The following EPB41L4B variants were observed in gnomAD, a reference collection of about 807,000 sequenced individuals.
EPB41L4B encodes band 4.1-like protein 4B.
Under a neutral mutation model 112.5 loss-of-function variants are expected in EPB41L4B, and 30 were observed. The observed-to-expected ratio is 0.27, with a 90% CI of 0.20 to 0.36. The LOEUF is 0.36. EPB41L4B is among the 10% of genes least tolerant of loss of function. The probability of loss-of-function intolerance (pLI) is 1.00; values close to 1 mark genes in which losing one functional copy is unlikely to be tolerated. For missense variants in EPB41L4B, 1,024 were observed against 1,133.3 expected, an observed-to-expected ratio of 0.90 and a Z score of 1.38; for synonymous variants, 408 against 439.7, an observed-to-expected ratio of 0.93 and a Z score of 0.90.
chr9:109,281,994 T>C (rs969486761), intron 1 of EPB41L4B, among the ~76,000 whole-genome samples: 19 of 152,198 alleles, frequency 1.2e-4, no homozygotes, highest in Admixed American at 6.5e-5. Flanking sequence ...AACCCAAATA[T>C]CTATCAACTG....
At chr9:109,177,228 G>C (rs1831874817) in intron 24 of EPB41L4B, among the ~76,000 whole-genome samples, 1 of 152,110 alleles carries the variant, frequency 6.6e-6, no homozygotes, top group Admixed American at 6.5e-5. Flanking sequence ...CTGTAGCAGT[G>C]GTTCCCAAAG....
chr9:109,190,387 AATGCTGAT>A (rs1271417354), intron 22 of EPB41L4B, among the ~76,000 whole-genome samples: 1 of 152,230 alleles, frequency 6.6e-6, no homozygotes, highest in Non-Finnish European at 1.5e-5. Flanking sequence ...TTCAGCAGGA[AATGCTGAT>A]GGGAAGGCCC....
intron 18 of EPB41L4B, among the ~76,000 whole-genome samples, chr9:109,207,189 T>C (rs1188779016): frequency 6.6e-6 from 1 of 152,192 alleles, no homozygotes; most frequent in Admixed American, 6.5e-5. Context: ...TTCCCTCAGC[T>C]ATAGGGATGG....
At chr9:109,186,956 A>T (rs1264631216) in intron 22 of EPB41L4B, among the ~76,000 whole-genome samples, 1 of 152,202 alleles carries the variant, frequency 6.6e-6, no homozygotes, top group Non-Finnish European at 1.5e-5. Context: ...AAAGTGCCAC[A>T]TCCTTTGGGA....
At chr9:109,227,447 T>C (rs1308850204) in intron 15 of EPB41L4B, among the ~76,000 whole-genome samples, 1 of 152,216 alleles carries the variant, frequency 6.6e-6, no homozygotes, top group Non-Finnish European at 1.5e-5. Flanking sequence ...TTTCTCTCCA[T>C]TTACTCAGAT....
At chr9:109,205,061 G>T (rs1172332452) in intron 18 of EPB41L4B, among the ~76,000 whole-genome samples, 1 of 152,148 alleles carries the variant, frequency 6.6e-6, no homozygotes, top group African/African-American at 2.4e-5. Context: ...GGCCAGTTAG[G>T]TGTGAAAGAA....
chr9:109,260,410 CTTTTTTTTTTTT>C (rs35040371), intron 6 of EPB41L4B, among the ~76,000 whole-genome samples: 12 of 102,516 alleles, frequency 1.2e-4, no homozygotes, highest in African/African-American at 4.1e-4. Flanking sequence ...TCAATTGTAT[CTTTTTTTTTTTT>C]TTTTTTTTTT....
At chr9:109,201,240 C>A (rs1832814233) in intron 19 of EPB41L4B, among the ~76,000 whole-genome samples, 1 of 151,944 alleles carries the variant, frequency 6.6e-6, no homozygotes, top group South Asian at 2.1e-4. Context: ...GACTTGAGGT[C>A]AGGAGTTTGA....
chr9:109,261,918 TCATAATC>T (rs1217261259), intron 6 of EPB41L4B, among the ~76,000 whole-genome samples: 3 of 152,356 alleles, frequency 2.0e-5, no homozygotes, highest in African/African-American at 7.2e-5. Context: ...AATGAATATG[TCATAATC>T]CATAATCCAG....
chr9:109,312,785 G>T (rs1330402560), intron 1 of EPB41L4B, among the ~76,000 whole-genome samples: 1 of 152,180 alleles, frequency 6.6e-6, no homozygotes, highest in East Asian at 1.9e-4. Flanking sequence ...CATACAGCCA[G>T]AACTCATCTG....
In EPB41L4B at chr9:109,255,664, T is replaced by C. The variant is rs747687397; in HGVS notation, c.1016A>G (p.His339Arg). The C allele has an allele frequency of 6.2e-7, 1 of 1,612,776 alleles. No homozygotes were observed. The highest frequency in any genetic ancestry group is 8.5e-7 in the Non-Finnish European group (1 of 1,178,810). Reference protein sequence around the residue: ...EDDDQGREQEHTFVFRLDSAR... With the variant: ...EDDDQGREQERTFVFRLDSAR... Reference sequence around the variant, plus strand: ...ACTGTCTAACCGGAACACAAACGTGTGCTCTTGCTCACGTCCCTTAAAGAG... The same window carrying C: ...ACTGTCTAACCGGAACACAAACGTGCGCTCTTGCTCACGTCCCTTAAAGAG... Residue 339 changes from histidine to arginine, a missense_variant, in exon 11 of 26, where the codon CAC becomes CGC. Coordinates refer to ENST00000374566, the MANE Select transcript of EPB41L4B (RefSeq NM_019114.5).
chr9:109,318,150 C>CGTGTGTGTGTGT (rs3983533), intron 1 of EPB41L4B, among the ~76,000 whole-genome samples: 61 of 149,590 alleles, frequency 4.1e-4, no homozygotes, highest in African/African-American at 1.4e-3. Flanking sequence ...GGGGCATATA[C>CGTGTGTGTGTGT]GTGTGTGTGT....
intron 1 of EPB41L4B, among the ~76,000 whole-genome samples, chr9:109,317,841 C>A (rs1410789714): frequency 6.6e-6 from 1 of 152,116 alleles, no homozygotes; most frequent in Non-Finnish European, 1.5e-5. Context: ...ACAAGCAGGG[C>A]CAAATGTCAA....
intron 18 of EPB41L4B, 67 bp downstream of exon 18, chr9:109,207,857 T>C: frequency 6.2e-7 from 1 of 1,600,736 alleles, no homozygotes; most frequent in African/African-American, 1.3e-5. Flanking sequence ...ACGGTGCCTC[T>C]TTCTTCTCTG....
rs537660476 is a variant in EPB41L4B, at chr9:109,320,272, A to T, written c.175T>A (p.Phe59Ile). ...AGCAGGGGCCCGCCGCCCGCCGGGAACACGCTGCCCCCGGGCGCGGCGGGC... is the reference window on the plus strand; with the variant it reads ...AGCAGGGGCCCGCCGCCCGCCGGGATCACGCTGCCCCCGGGCGCGGCGGGC... ...ALPAAPGGSV[F>I]PAGGGPLLTG... Residue 59 changes from phenylalanine (F) to isoleucine (I), a missense_variant, in exon 1 of 26, where the codon TTC (phenylalanine) becomes ATC (isoleucine). Physicochemically the swap from Phe to Ile is conservative, Grantham distance 21 (BLOSUM62 0). Coordinates refer to ENST00000374566, the MANE Select transcript of EPB41L4B (RefSeq NM_019114.5). 14 of 1,182,668 alleles carry T rather than the reference A, an allele frequency of 1.2e-5. No individual in the cohort carries two copies. The highest frequency in any genetic ancestry group is 1.4e-5 in the Non-Finnish European group (13 of 952,546). The allele number at this position is 1,182,668 out of a possible 1,614,324, so 73.3% of individuals were successfully genotyped here.
chr9:109,232,988 G>T (rs983580986), intron 15 of EPB41L4B, among the ~76,000 whole-genome samples: 4 of 152,126 alleles, frequency 2.6e-5, no homozygotes, highest in Non-Finnish European at 5.9e-5. Context: ...CCATTATTCA[G>T]CCAGGGAATG....
intron 4 of EPB41L4B, among the ~76,000 whole-genome samples, chr9:109,265,754 A>T (rs1007640893): frequency 5.3e-5 from 8 of 152,216 alleles, no homozygotes; most frequent in African/African-American, 1.9e-4. Context: ...AGAACCACTC[A>T]CAATGCTTTG....
intron 1 of EPB41L4B, among the ~76,000 whole-genome samples, chr9:109,286,501 A>G (rs542407037): frequency 2.0e-5 from 3 of 152,182 alleles, no homozygotes; most frequent in Non-Finnish European, 4.4e-5. Flanking sequence ...CGCGTTGTCT[A>G]GTGGTTATAA....
Position 109,292,878 on chromosome 9 carries a change from T to C in EPB41L4B, c.307-12957A>G, listed in dbSNP as rs111570417. On this transcript the variant is annotated intron_variant, in intron 1 of 25. Coordinates refer to ENST00000374566, the MANE Select transcript of EPB41L4B (RefSeq NM_019114.5). ...CTTGCTCTAGAAGAGCCAGCTACCA[T>C]GTGAAACGTCTAACTACCCTGAGAC... 7.2e-5 allele frequency among the ~76,000 whole-genome samples: 11 copies of C among 152,300 alleles called. 1 individual carries two copies. The highest frequency in any genetic ancestry group is 2.6e-4 in the African/African-American group (11 of 41,568).
Sources: allele counts gnomAD v4.1 joint callset (sites outside exome capture counted in the v4.1 genomes callset), GRCh38; gene constraint gnomAD v4.1.1; transcripts MANE v1.5; gene names NCBI Gene and HGNC (gene_info 2026-07-23, HGNC 2026-07-21).